ATG10: variants seen among roughly 807,000 people sequenced by gnomAD.
ATG10 encodes the protein autophagy related 10.
Under a neutral mutation model 32.1 loss-of-function variants are expected in ATG10, and 30 were observed. The observed-to-expected ratio is 0.94, with a 90% CI of 0.70 to 1.27. The LOEUF (loss-of-function observed/expected upper bound fraction) is 1.27, where lower values mean the gene tolerates loss of function less well. Among genes scored for constraint, ATG10 ranks in the 50% most tolerant of loss-of-function variants. ATG10 has a pLI of 0.00. For synonymous variants in ATG10, 87 were observed against 91.5 expected, an observed-to-expected ratio of 0.95 and a Z score of 0.28; for missense variants, 233 against 262.3, an observed-to-expected ratio of 0.89 and a Z score of 0.77.
intron 5 of ATG10, among the ~76,000 whole-genome samples, chr5:82,213,834 C>T (rs943567016): frequency 6.6e-6 from 1 of 152,222 alleles, no homozygotes; most frequent in Non-Finnish European, 1.5e-5. Flanking sequence ...GGAGCACTGC[C>T]TAAGTCTGCC....
intron 5 of ATG10, among the ~76,000 whole-genome samples, chr5:82,217,870 G>A (rs1179165964): frequency 4.6e-5 from 7 of 151,698 alleles, no homozygotes; most frequent in African/African-American, 1.5e-4. Flanking sequence ...CTAGCTACTC[G>A]GGAGGCTGAG....
chr5:82,188,613 G>C lies in ATG10; in HGVS notation c.453+10026G>C, dbSNP rs566176135. 8.5e-4 allele frequency among the ~76,000 whole-genome samples: 129 copies of C among 152,176 alleles called. 2 individuals are homozygous for C. The Middle Eastern group carries it at 0.017, about 20-fold the overall frequency. On this transcript the variant is annotated intron_variant, in intron 5 of 7. Transcript: ENST00000282185. Reference sequence around the variant, plus strand: ...CTTATTTCCAGTTTTTGAGAAAGAGGTTAATGGCGGGTACACAATAAAGCA... The same window carrying C: ...CTTATTTCCAGTTTTTGAGAAAGAGCTTAATGGCGGGTACACAATAAAGCA...
chr5:82,028,061 C>T (rs894489921), intron 2 of ATG10, among the ~76,000 whole-genome samples: 1 of 152,218 alleles, frequency 6.6e-6, no homozygotes, highest in African/African-American at 2.4e-5. Flanking sequence ...TAAAGCCAAA[C>T]TGTCTCAAAC....
intron 3 of ATG10, among the ~76,000 whole-genome samples, chr5:82,139,717 G>A (rs1469278519): frequency 6.9e-6 from 1 of 144,588 alleles, no homozygotes; most frequent in African/African-American, 2.6e-5. Context: ...AGGTGGGGGG[G>A]GGTCAGCCCC....
intron 3 of ATG10, among the ~76,000 whole-genome samples, chr5:82,142,162 A>T (rs753674850): frequency 1.2e-4 from 19 of 152,232 alleles, no homozygotes; most frequent in Non-Finnish European, 2.5e-4. Context: ...TCTATATGCC[A>T]GGTGCCAGGT....
rs377696561 is a variant in ATG10, at chr5:82,044,636, C to T, written c.109-13859C>T. ...GATTCTTTCAAGGGTTGAATTGCGA[C>T]GGCAAGTCCTGAACAGCGTTTAGAC... On this transcript the variant is annotated intron_variant, in intron 2 of 7. Coordinates refer to ENST00000282185, the MANE Select transcript of ATG10 (RefSeq NM_031482.5). 1.5e-4 allele frequency among the ~76,000 whole-genome samples: 23 copies of T among 152,066 alleles called. No individual in the cohort carries two copies. The East Asian group carries it at 3.1e-3, about 20-fold the overall frequency.
intron 3 of ATG10, among the ~76,000 whole-genome samples, chr5:82,085,501 A>AG (rs1315578454): frequency 1.1e-5 from 1 of 89,836 alleles, no homozygotes; most frequent in Non-Finnish European, 2.2e-5. Context: ...GGATCGGGGG[A>AG]GGGGGGAGGG....
At chr5:82,231,516 G>A (rs1285866715) in intron 5 of ATG10, among the ~76,000 whole-genome samples, 2 of 152,036 alleles carry the variant, frequency 1.3e-5, no homozygotes, top group African/African-American at 4.8e-5. Context: ...TTCTCAATAC[G>A]GCAGCCTATT....
chr5:82,177,145 C>T (rs189564808), intron 4 of ATG10, among the ~76,000 whole-genome samples: 1 of 152,182 alleles, frequency 6.6e-6, no homozygotes, highest in East Asian at 1.9e-4. Flanking sequence ...TTATTGTGTG[C>T]CTAACACAGT....
chr5:82,148,968 C>T (rs1767472909), intron 3 of ATG10, among the ~76,000 whole-genome samples: 1 of 152,090 alleles, frequency 6.6e-6, no homozygotes, highest in Non-Finnish European at 1.5e-5. Context: ...TATCTTCTTT[C>T]CCTATTAGAA....
At chr5:82,135,140 C>T (rs140911154) in intron 3 of ATG10, among the ~76,000 whole-genome samples, 2 of 151,812 alleles carry the variant, frequency 1.3e-5, no homozygotes, top group Non-Finnish European at 2.9e-5. Context: ...TCTGGCTAGC[C>T]GTCCATCTAT....
intron 1 of ATG10, among the ~76,000 whole-genome samples, chr5:81,979,453 G>A (rs906224459): frequency 2.6e-5 from 4 of 152,064 alleles, no homozygotes; most frequent in Non-Finnish European, 4.4e-5. Flanking sequence ...GCGTGAACTC[G>A]GGAGGCGGAG....
At chr5:82,058,454 A>T in intron 2 of ATG10, 41 bp from the exon 3 acceptor site, 1 of 1,391,698 alleles carries the variant, frequency 7.2e-7, no homozygotes, top group Non-Finnish European at 1.0e-6. Flanking sequence ...TTCTTAAAAT[A>T]ATTGGCATTT....
Position 82,049,248 on chromosome 5 carries a change from G to T in ATG10, c.109-9247G>T, listed in dbSNP as rs1453272601. Among the ~76,000 whole-genome samples, 8 of 152,054 alleles carry T rather than the reference G, an allele frequency of 5.3e-5. No homozygotes were observed. In the East Asian group the frequency reaches 1.2e-3, roughly 22 times the overall value. On this transcript the variant is annotated intron_variant, in intron 2 of 7. Coordinates refer to ENST00000282185, the MANE Select transcript of ATG10 (RefSeq NM_031482.5). Reference sequence around the variant, plus strand: ...AAATGATGAGTTCATGTCCTTTGTAGGGACGCGGATGAAATTGGAAATCAT... The same window carrying T: ...AAATGATGAGTTCATGTCCTTTGTATGGACGCGGATGAAATTGGAAATCAT...
intron 2 of ATG10, among the ~76,000 whole-genome samples, chr5:82,016,696 T>A (rs1762295170): frequency 6.6e-6 from 1 of 151,174 alleles, no homozygotes; most frequent in African/African-American, 2.4e-5. Flanking sequence ...TTTCTTTCTT[T>A]TTTTTTTTTT....
chr5:82,063,757 G>A (rs908139636), intron 3 of ATG10, among the ~76,000 whole-genome samples: 1 of 152,148 alleles, frequency 6.6e-6, no homozygotes, highest in Non-Finnish European at 1.5e-5. Flanking sequence ...CTCCCAAAGT[G>A]CTGGGATTAC....
At chr5:82,152,409 AAACCAGGT>A (rs979581557) in intron 3 of ATG10, among the ~76,000 whole-genome samples, 33 of 152,356 alleles carry the variant, frequency 2.2e-4, no homozygotes, top group African/African-American at 7.7e-4. Flanking sequence ...AGTCCTGGGA[AAACCAGGT>A]AACAGTGTGC....
At chr5:82,076,146 A>C (rs955919230) in intron 3 of ATG10, among the ~76,000 whole-genome samples, 2 of 152,104 alleles carry the variant, frequency 1.3e-5, no homozygotes, top group Non-Finnish European at 2.9e-5. Flanking sequence ...TGATTCCTTC[A>C]ACAAACATGT....
chr5:82,039,817 AT>A (rs1294165962), intron 2 of ATG10, among the ~76,000 whole-genome samples: 1 of 152,126 alleles, frequency 6.6e-6, no homozygotes, highest in Non-Finnish European at 1.5e-5. Flanking sequence ...ATATCTCATG[AT>A]TTTTTTGGTC....
Sources: allele counts gnomAD v4.1 joint callset (sites outside exome capture counted in the v4.1 genomes callset), GRCh38; gene constraint gnomAD v4.1.1; transcripts MANE v1.5; gene names NCBI Gene and HGNC (gene_info 2026-07-23, HGNC 2026-07-21).